STK3: variants seen among roughly 807,000 people sequenced by gnomAD.
The protein encoded by STK3 is serine/threonine-protein kinase 3.
STK3 carries 41 observed loss-of-function variants against 58.0 expected under a neutral mutation model. The ratio of observed to expected loss-of-function variants is 0.71; its 90% CI spans 0.55 to 0.92. The LOEUF (loss-of-function observed/expected upper bound fraction) is 0.92, where lower values mean the gene tolerates loss of function less well. Ranked by LOEUF, STK3 falls within the 40% of genes least tolerant of loss-of-function variation. STK3 has a pLI of 0.00. For synonymous variants in STK3, 170 were observed against 191.0 expected (o/e 0.89, Z 0.91); for missense variants, 479 against 602.7 (o/e 0.79, Z 2.15).
the STK3 span, among the ~76,000 whole-genome samples, chr8:98,345,875 G>T: frequency 6.6e-6 from 1 of 152,060 alleles, no homozygotes; most frequent in South Asian, 2.1e-4. Flanking sequence ...AAATACACTG[G>T]ATGGAACTGA....
At chr8:98,643,693 C>T (rs1284962847) in intron 6 of STK3, among the ~76,000 whole-genome samples, 1 of 152,128 alleles carries the variant, frequency 6.6e-6, no homozygotes, top group Non-Finnish European at 1.5e-5. Context: ...GGCTGATGCA[C>T]AACAAATATT....
At chr8:98,617,038 C>A (rs1817796275) in intron 6 of STK3, among the ~76,000 whole-genome samples, 1 of 151,636 alleles carries the variant, frequency 6.6e-6, no homozygotes, top group Non-Finnish European at 1.5e-5. Flanking sequence ...CACACCTATT[C>A]CAAAATTGAC....
intron 6 of STK3, among the ~76,000 whole-genome samples, chr8:98,666,423 GTC>G (rs1392237471): frequency 1.2e-4 from 18 of 152,158 alleles, no homozygotes; most frequent in African/African-American, 3.9e-4. Context: ...AATATTTAGT[GTC>G]TCTGTTAGTT....
At chr8:98,808,385 CTCTT>C (rs1021650915) in intron 1 of STK3, among the ~76,000 whole-genome samples, 5 of 152,188 alleles carry the variant, frequency 3.3e-5, no homozygotes, top group African/African-American at 2.4e-5. Context: ...ATATTTGGTC[CTCTT>C]TCTTTATTTT....
the STK3 span, among the ~76,000 whole-genome samples, chr8:98,363,025 C>T: frequency 6.6e-6 from 1 of 152,188 alleles, no homozygotes; most frequent in Admixed American, 6.5e-5. Flanking sequence ...ATGTTATCTA[C>T]AGTCCAGGAA....
intron 7 of STK3, among the ~76,000 whole-genome samples, chr8:98,584,909 G>GAGAA (rs1814351912): frequency 6.6e-6 from 1 of 151,676 alleles, no homozygotes. Flanking sequence ...TTTGAGAAGT[G>GAGAA]TCTGTTCATG....
downstream of STK3, chr8:98,881,237 C>A (rs1223232420): frequency 6.6e-6 from 1 of 152,094 alleles, no homozygotes; most frequent in Non-Finnish European, 1.5e-5. Flanking sequence ...ATAGAGGAAC[C>A]TTAAATGCAT....
At chr8:98,506,525 T>A (rs894381869) in intron 10 of STK3, among the ~76,000 whole-genome samples, 2 of 152,058 alleles carry the variant, frequency 1.3e-5, no homozygotes, top group African/African-American at 2.4e-5. Context: ...TATTTGGCCA[T>A]CTTGGAATGG....
chr8:98,439,690 T>A (rs1263691082), intron 1 of STK3, among the ~76,000 whole-genome samples: 1 of 152,168 alleles, frequency 6.6e-6, no homozygotes, highest in Admixed American at 6.5e-5. Flanking sequence ...TTTATACTAG[T>A]TAGAGGGATA....
chr8:98,426,559 C>G (rs1156436887), intron 3 of STK3, among the ~76,000 whole-genome samples: 1 of 152,186 alleles, frequency 6.6e-6, no homozygotes, highest in Non-Finnish European at 1.5e-5. Context: ...TCCCGGCCCC[C>G]TCTTTTCCCC....
chr8:98,554,521 G>C (rs917446407), intron 8 of STK3, among the ~76,000 whole-genome samples: 3 of 152,116 alleles, frequency 2.0e-5, no homozygotes, highest in Admixed American at 1.3e-4. Context: ...AGATAAAATT[G>C]TAAAAACATT....
chr8:98,475,858 T>C (rs117233131), intron 10 of STK3, among the ~76,000 whole-genome samples: 329 of 152,316 alleles, frequency 2.2e-3, no homozygotes, highest in Non-Finnish European at 3.3e-3. Context: ...TTTCTTGCTT[T>C]TTCTGCCTAT....
At chr8:98,664,827 G>C (rs1822218868) in intron 6 of STK3, among the ~76,000 whole-genome samples, 2 of 151,956 alleles carry the variant, frequency 1.3e-5, no homozygotes, top group African/African-American at 4.8e-5. Flanking sequence ...TTGAACCCGG[G>C]AGGCGGAGGT....
chr8:98,698,554 G>A (rs975829253), intron 6 of STK3, among the ~76,000 whole-genome samples: 3 of 152,146 alleles, frequency 2.0e-5, no homozygotes, highest in African/African-American at 7.2e-5. Context: ...TTTAGGGCAG[G>A]CCTGGTGGTG....
At chr8:98,934,335 G>A (rs889688388) in intron 1 of STK3, among the ~76,000 whole-genome samples, 7 of 152,164 alleles carry the variant, frequency 4.6e-5, no homozygotes, top group Non-Finnish European at 7.3e-5. Context: ...GCTGCCATGT[G>A]GTACAAGTGG....
Position 98,800,227 on chromosome 8 carries a change from C to T in STK3, c.26+25288G>A, listed in dbSNP as rs1198069356. On this transcript the variant is annotated intron_variant, in intron 1 of 10. Transcript: ENST00000419617. This position sits in a 1 kb window ranked among gnomAD's most constrained non-coding sequence, Gnocchi z 4.8. ...TTACAAATGGAACCTCAAATGAGTTCAACTAACAACTTCTACCGAGGACCC... is the reference window on the plus strand; with the variant it reads ...TTACAAATGGAACCTCAAATGAGTTTAACTAACAACTTCTACCGAGGACCC... Among the ~76,000 whole-genome samples the T allele has an allele frequency of 6.6e-6, 1 of 152,176 alleles. No individual in the cohort carries two copies.
chr8:98,792,892 C>CTGTG (rs1299614188), intron 1 of STK3, among the ~76,000 whole-genome samples: 151 of 98,236 alleles, frequency 1.5e-3, no homozygotes, highest in African/African-American at 6.3e-3. Flanking sequence ...GATAAAGAGA[C>CTGTG]TGTATGTGTG....
At chr8:98,907,462 G>A (rs1481999023) in intron 1 of STK3, among the ~76,000 whole-genome samples, 3 of 144,124 alleles carry the variant, frequency 2.1e-5, no homozygotes, top group Non-Finnish European at 4.6e-5. Flanking sequence ...ACAGTGAGCC[G>A]AGATTGTGCC....
At chr8:98,491,417 A>G (rs762662448) in intron 10 of STK3, among the ~76,000 whole-genome samples, 41 of 152,068 alleles carry the variant, frequency 2.7e-4, no homozygotes, top group South Asian at 1.2e-3. Flanking sequence ...ATTTGGGAAG[A>G]TTCACCTAGG....
Sources: allele counts gnomAD v4.1 joint callset (sites outside exome capture counted in the v4.1 genomes callset), GRCh38; gene constraint gnomAD v4.1.1; non-coding constraint Gnocchi (gnomAD v3.1); transcripts MANE v1.5; gene names NCBI Gene and HGNC (gene_info 2026-07-23, HGNC 2026-07-21).